The following CBL variants were observed in gnomAD, a reference collection of about 807,000 sequenced individuals.
CBL encodes the protein Cbl proto-oncogene, also known as E3 ubiquitin-protein ligase CBL.
In CBL, 45 loss-of-function variants were observed where a neutral mutation model predicts 96.9. That is an observed-to-expected ratio of 0.46 (90% CI 0.37 to 0.60). The LOEUF (loss-of-function observed/expected upper bound fraction) is 0.60, where lower values mean the gene tolerates loss of function less well. Ranked by LOEUF, CBL falls within the 20% of genes least tolerant of loss-of-function variation. The pLI, the probability that CBL is intolerant of heterozygous loss-of-function variation, is 0.00. For synonymous variants in CBL, 420 were observed against 426.8 expected (o/e 0.98, Z 0.20); for missense variants, 1,024 against 1,143.5 (o/e 0.90, Z 1.51).
intron 6 of CBL, 40 bp downstream of exon 6, chr11:119,276,174 C>A (rs748704451): frequency 6.2e-7 from 1 of 1,607,708 alleles, no homozygotes; most frequent in South Asian, 1.1e-5. Context: ...AGTCTGGGAA[C>A]TTAGGGGCTG....
At chr11:119,218,492 A>G (rs1185543645) in intron 1 of CBL, among the ~76,000 whole-genome samples, 1 of 152,238 alleles carries the variant, frequency 6.6e-6, no homozygotes, top group African/African-American at 2.4e-5. Flanking sequence ...GTCTGAAAAT[A>G]TTAAATGGAA....
intron 2 of CBL, among the ~76,000 whole-genome samples, chr11:119,246,111 A>G (rs571359909): frequency 6.6e-6 from 1 of 150,704 alleles, no homozygotes; most frequent in Non-Finnish European, 1.5e-5. Flanking sequence ...AGTAGCTGGG[A>G]CTACAGGCGC....
intron 9 of CBL, 96 bp from the exon 10 acceptor site, chr11:119,284,870 AAGT>A: frequency 7.0e-7 from 1 of 1,434,814 alleles, no homozygotes; most frequent in Non-Finnish European, 9.8e-7. Context: ...TTTGTAGTTT[AAGT>A]GTTCCCATGG....
chr11:119,214,272 G>T (rs1467727177), intron 1 of CBL, among the ~76,000 whole-genome samples: 2 of 148,670 alleles, frequency 1.3e-5, no homozygotes, highest in East Asian at 2.0e-4. Flanking sequence ...TCAGAGTCTC[G>T]CTCTGTCACC....
rs1351578372 is a variant in CBL, at chr11:119,299,831, T to G, written c.*50T>G. 1 of 1,587,090 alleles carries G rather than the reference T, an allele frequency of 6.3e-7. No homozygotes were observed. The highest frequency in any genetic ancestry group is 1.3e-5 in the African/African-American group (1 of 74,406). On this transcript the variant is annotated 3_prime_UTR_variant, in exon 16 of 16. Coordinates refer to ENST00000264033, the MANE Select transcript of CBL (RefSeq NM_005188.4). ...TAGAGGACCAGTGAGTTGGGAGTTA[T>G]TACTCAAGTGGCACCTAGAAGGGCA... is the stretch of plus-strand genomic sequence containing the variant.
In CBL at chr11:119,283,182, A is replaced by G. The variant is rs574573048; in HGVS notation, c.1432-1787A>G. On this transcript the variant is annotated intron_variant, in intron 9 of 15. Transcript: ENST00000264033. Reference sequence around the variant, plus strand: ...TCTTTTAGGGAAAAATCAGCAGGATATAGCTACTGACAAAATAATTATGAT... The same window carrying G: ...TCTTTTAGGGAAAAATCAGCAGGATGTAGCTACTGACAAAATAATTATGAT... 5.7e-4 allele frequency among the ~76,000 whole-genome samples: 87 copies of G among 152,246 alleles called. 1 individual carries two copies. The highest frequency in any genetic ancestry group is 3.3e-3 in the Admixed American group (51 of 15,286).
intron 11 of CBL, among the ~76,000 whole-genome samples, chr11:119,285,972 G>A (rs1487874663): frequency 6.6e-6 from 1 of 151,558 alleles, no homozygotes; most frequent in African/African-American, 2.4e-5. Flanking sequence ...AGTTTTATAT[G>A]GAATTCAGAG....
At chr11:119,292,207 G>A (rs573129987) in intron 12 of CBL, among the ~76,000 whole-genome samples, 17 of 152,124 alleles carry the variant, frequency 1.1e-4, no homozygotes, top group African/African-American at 3.1e-4. Context: ...GTTTGGTAAA[G>A]TTTATTTAGT....
At chr11:119,297,547 G>A in intron 14 of CBL, 66 bp downstream of exon 14, 1 of 1,213,750 alleles carries the variant, frequency 8.2e-7, no homozygotes, top group Non-Finnish European at 1.2e-6. Context: ...GTAATATTTG[G>A]CAATTGAGAT....
chr11:119,226,135 C>CTGCTGCCTT (rs964736830), intron 1 of CBL, among the ~76,000 whole-genome samples: 1 of 152,192 alleles, frequency 6.6e-6, no homozygotes, highest in Non-Finnish European at 1.5e-5. Flanking sequence ...GTGTTACCTG[C>CTGCTGCCTT]TGCTGCCTTT....
At position 119,303,226 on chromosome 11, in the gene CBL, T is replaced by G. The variant is rs1950113564; in HGVS notation, c.*3445T>G. On this transcript the variant is annotated 3_prime_UTR_variant, in exon 16 of 16. Coordinates refer to ENST00000264033, the MANE Select transcript of CBL (RefSeq NM_005188.4). ...TGATAAAGCAGAATATTCTCCTACC[T>G]CACGTCATTAAAGTCAGAAGATTAT... The G allele has an allele frequency of 4.3e-6, 1 of 231,676 alleles. No individual in the cohort carries two copies. The highest frequency in any genetic ancestry group is 8.6e-6 in the Non-Finnish European group (1 of 116,916). 14.4% of individuals were successfully genotyped at this position (231,676 alleles called of 1,614,324 possible).
At chr11:119,287,536 T>C (rs1457577179) in intron 11 of CBL, among the ~76,000 whole-genome samples, 2 of 152,204 alleles carry the variant, frequency 1.3e-5, no homozygotes, top group East Asian at 3.8e-4. Flanking sequence ...AGAATGACCA[T>C]TTTGCGTTTG....
rs201431746 is a variant in CBL, at chr11:119,271,837, T to G, written c.546T>G (p.Thr182=). 1 of 1,614,092 alleles carries G rather than the reference T, an allele frequency of 6.2e-7. No homozygotes were observed. Among genetic ancestry groups the G allele is most frequent in the African/African-American group, 1.3e-5 (1 of 75,062 alleles). The change falls in exon 3 of 16, where the codon ACT becomes ACG. Residue 182 remains threonine (T), a synonymous_variant. Transcript: ENST00000264033. The part of the protein sequence containing the change: ...GLFQGDTFRI[T]KADAAEFWRK... ...TTCAGGGAGACACATTTCGGATTAC[T>G]AAAGCAGATGCTGCGGAATTTTGGA...
chr11:119,245,711 A>G (rs1167259619), intron 2 of CBL, among the ~76,000 whole-genome samples: 4 of 152,112 alleles, frequency 2.6e-5, no homozygotes, highest in African/African-American at 9.7e-5. Flanking sequence ...CCTGGGTGCC[A>G]AGAGCAAAAC....
chr11:119,296,805 T>G (rs960196577), intron 12 of CBL, 113 bp from the exon 13 acceptor site: 58 of 696,130 alleles, frequency 8.3e-5, no homozygotes, highest in Admixed American at 7.2e-4. Context: ...CTAGGTGACA[T>G]GTATTTTGCT....
intron 12 of CBL, among the ~76,000 whole-genome samples, chr11:119,294,534 C>G (rs1264932654): frequency 1.3e-5 from 2 of 152,000 alleles, no homozygotes; most frequent in Non-Finnish European, 2.9e-5. Context: ...GTGGCTCACG[C>G]CTGTAATCCC....
At chr11:119,262,468 T>C (rs1276000924) in intron 2 of CBL, among the ~76,000 whole-genome samples, 3 of 152,192 alleles carry the variant, frequency 2.0e-5, no homozygotes, top group Non-Finnish European at 4.4e-5. Flanking sequence ...ATGGTAACAT[T>C]AGGGGAAACT....
At chr11:119,297,166 G>T in intron 13 of CBL, 132 bp downstream of exon 13, 1 of 770,916 alleles carries the variant, frequency 1.3e-6, no homozygotes, top group South Asian at 1.4e-5. Context: ...GATAAATCTA[G>T]CCCTTAATGG....
chr11:119,268,577 C>T (rs1949820240), intron 2 of CBL, among the ~76,000 whole-genome samples: 1 of 152,184 alleles, frequency 6.6e-6, no homozygotes, highest in Non-Finnish European at 1.5e-5. Context: ...GTTGGAAAAA[C>T]TACCAAGGCC....
Sources: allele counts gnomAD v4.1 joint callset (sites outside exome capture counted in the v4.1 genomes callset), GRCh38; gene constraint gnomAD v4.1.1; transcripts MANE v1.5; gene names NCBI Gene and HGNC (gene_info 2026-07-23, HGNC 2026-07-21).